The following EEF1E1 variants were observed in gnomAD, a reference collection of about 807,000 sequenced individuals.
EEF1E1 encodes eukaryotic translation elongation factor 1 epsilon-1.
In EEF1E1, 19 loss-of-function variants were observed where a neutral mutation model predicts 19.9. The ratio of observed to expected loss-of-function variants is 0.95; its 90% CI spans 0.66 to 1.40. EEF1E1 has a LOEUF of 1.40. Ranked by LOEUF, EEF1E1 falls within the 40% of genes most tolerant of loss-of-function variation. The pLI is 0.00. For missense variants in EEF1E1, 198 were observed against 202.2 expected (o/e 0.98, Z 0.13); for synonymous variants, 81 against 80.0 (o/e 1.01, Z -0.07).
chr6:8,102,346 G>A (rs1026125662), intron 1 of EEF1E1, 89 bp downstream of exon 1: 6 of 1,330,690 alleles, frequency 4.5e-6, no homozygotes, highest in Middle Eastern at 1.9e-4. Context: ...CACTCCGCCC[G>A]TATCTGGTGG....
intron 1 of EEF1E1, among the ~76,000 whole-genome samples, chr6:8,099,808 C>A (rs1488288058): frequency 2.2e-5 from 3 of 136,402 alleles, no homozygotes; most frequent in South Asian, 2.3e-4. Context: ...AAAACAGAAC[C>A]CTCTATAATG....
downstream of EEF1E1, chr6:8,079,267 G>A: frequency 8.0e-6 from 3 of 376,392 alleles, no homozygotes; most frequent in Non-Finnish European, 1.1e-5. Context: ...ATTACAATAA[G>A]CCCAACAACA....
rs762186396 is a variant in EEF1E1, at chr6:8,090,272, A to G, written c.298T>C (p.Ser100Pro). The change falls in exon 3 of 4, where the codon TCA (serine) becomes CCA (proline). Residue 100 changes from serine to proline, a missense_variant. Transcript: ENST00000379715. ...AGGTAGACTTTATCTTCAAGATATG[A>G]ATTAAGATCCTAGAAAAAAGAAAAA... ...DIHTLLKDLN[S>P]YLEDKVYLTG... 1 of 1,483,592 alleles carries G rather than the reference A, an allele frequency of 6.7e-7. No individual in the cohort carries two copies. The highest frequency in any genetic ancestry group is 1.5e-5 in the South Asian group (1 of 66,468). The allele number at this position is 1,483,592 out of a possible 1,614,324, so 91.9% of individuals were successfully genotyped here. A position where few individuals can be genotyped will look rare whatever the true frequency, so the allele number is the denominator to read the frequency against.
chr6:8,095,570 T>G, intron 2 of EEF1E1: 1 of 184,866 alleles, frequency 5.4e-6, no homozygotes, highest in Middle Eastern at 5.0e-4. Flanking sequence ...TGCCTGTTTT[T>G]TTTTTTTTTT....
chr6:8,099,721 C>G (rs543590760), intron 1 of EEF1E1, among the ~76,000 whole-genome samples: 29 of 145,672 alleles, frequency 2.0e-4, no homozygotes, highest in African/African-American at 7.4e-4. Context: ...CACTCCAGCC[C>G]GGGCAACAAG....
intron 1 of EEF1E1, among the ~76,000 whole-genome samples, chr6:8,101,243 A>AAAATATAT (rs1271033598): frequency 3.1e-4 from 18 of 58,466 alleles, no homozygotes; most frequent in African/African-American, 3.9e-4. Context: ...AAAAAAAAAA[A>AAAATATAT]ATATATATAT....
At chr6:8,093,017 G>A (rs1161930953) in intron 2 of EEF1E1, among the ~76,000 whole-genome samples, 1 of 151,740 alleles carries the variant, frequency 6.6e-6, no homozygotes, top group African/African-American at 2.4e-5. Flanking sequence ...TGGGACTACA[G>A]GCACACAACA....
rs778878465 is a variant in EEF1E1, at chr6:8,101,225, C to CA, written c.87+1209dup. 6.5e-3 allele frequency among the ~76,000 whole-genome samples: 20 copies of CA among 3,078 alleles called. 2 individuals carry two copies. Among genetic ancestry groups the CA allele is most frequent in the East Asian group, 0.024 (3 of 126 alleles). The allele number at this position is 3,078 out of a possible 152,430, so 2.0% of individuals were successfully genotyped here. ...TGGGCGACACAGTGAGACTTTGTCT[C>CA]AAAAAAAAAAAAAAAAAAATATATA... On this transcript the variant is annotated intron_variant, in intron 1 of 3. Transcript: ENST00000379715.
intron 3 of EEF1E1, among the ~76,000 whole-genome samples, chr6:8,088,833 T>C (rs1757938794): frequency 6.6e-6 from 1 of 151,946 alleles, no homozygotes. Flanking sequence ...ACAGCCTCCA[T>C]TTTTCTAGCC....
At chr6:8,081,066 G>A (rs1448196943) in intron 3 of EEF1E1, among the ~76,000 whole-genome samples, 1 of 152,168 alleles carries the variant, frequency 6.6e-6, no homozygotes, top group Non-Finnish European at 1.5e-5. Flanking sequence ...AATACAAAAG[G>A]ATATTAACAA....
chr6:8,090,138 C>G (rs1274361332), intron 3 of EEF1E1, 48 bp downstream of exon 3: 1 of 1,412,994 alleles, frequency 7.1e-7, no homozygotes, highest in East Asian at 2.5e-5. Flanking sequence ...TTTTAAAAAT[C>G]ATTCTCAACA....
rs1330673689 is a variant in EEF1E1 at position 8,101,238 on chromosome 6, AAAAAAATATATATATATAT to A, written c.87+1178_87+1196del. Among the ~76,000 whole-genome samples, 11 of 74,804 alleles carry A rather than the reference AAAAAAATATATATATATAT, an allele frequency of 1.5e-4. 1 individual carries two copies. Among genetic ancestry groups the A allele is most frequent in the African/African-American group, 6.8e-4 (11 of 16,194 alleles). 49.1% of individuals were successfully genotyped at this position (74,804 alleles called of 152,430 possible). A position where few individuals can be genotyped will look rare whatever the true frequency, so the allele number is the denominator to read the frequency against. ...GAGACTTTGTCTCAAAAAAAAAAAA[AAAAAAATATATATATATAT>A]ATATATATATATATATATATATATA... On this transcript the variant is annotated intron_variant, in intron 1 of 3. Transcript: ENST00000379715.
intron 3 of EEF1E1, among the ~76,000 whole-genome samples, chr6:8,086,217 C>T (rs147858776): frequency 6.6e-6 from 1 of 152,046 alleles, no homozygotes; most frequent in African/African-American, 2.4e-5. Context: ...GGTACGTTTG[C>T]GGGGTGAGGG....
intron 1 of EEF1E1, chr6:8,102,189 A>T (rs1273955626): frequency 4.4e-6 from 5 of 1,146,458 alleles, no homozygotes; most frequent in Non-Finnish European, 5.8e-6. Flanking sequence ...TGGGATGATG[A>T]CAATTTCCCA....
At chr6:8,088,229 A>G (rs758664000) in intron 3 of EEF1E1, among the ~76,000 whole-genome samples, 3 of 152,152 alleles carry the variant, frequency 2.0e-5, no homozygotes, top group Non-Finnish European at 4.4e-5. Flanking sequence ...AAAGAGACTG[A>G]TCATGTAGGT....
chr6:8,090,085 TG>T, intron 3 of EEF1E1, 100 bp downstream of exon 3: 1 of 1,004,046 alleles, frequency 1.0e-6, no homozygotes, highest in Non-Finnish European at 1.4e-6. Context: ...CATTTTTATT[TG>T]ATAAGCCAAA....
chr6:8,099,776 ACACACACACACAC>A (rs1561646275), intron 1 of EEF1E1, among the ~76,000 whole-genome samples: 7 of 124,878 alleles, frequency 5.6e-5, no homozygotes, highest in Non-Finnish European at 1.0e-4. Flanking sequence ...ACACACACAC[ACACACACACACAC>A]ACAAAAAAAA....
At chr6:8,098,188 C>T (rs1176937008) in intron 1 of EEF1E1, among the ~76,000 whole-genome samples, 2 of 151,622 alleles carry the variant, frequency 1.3e-5, no homozygotes, top group African/African-American at 2.4e-5. Flanking sequence ...GGCATGGTCT[C>T]GGCTCACTGC....
chr6:8,093,804 A>T (rs1408104005), intron 2 of EEF1E1, among the ~76,000 whole-genome samples: 1 of 148,818 alleles, frequency 6.7e-6, no homozygotes, highest in Non-Finnish European at 1.5e-5. Flanking sequence ...AAAGCAAATA[A>T]TTTTTTTTTT....
Sources: gnomAD v4.1 joint callset for allele counts (sites outside exome capture counted in the v4.1 genomes callset) on GRCh38, gnomAD v4.1.1 for gene constraint, MANE v1.5 for transcripts, NCBI Gene and HGNC (gene_info 2026-07-23, HGNC 2026-07-21) for gene names.